ST18: variants seen among roughly 807,000 people sequenced by gnomAD.
The protein encoded by ST18 is ST18 C2H2C-type zinc finger transcription factor, also known as suppression of tumorigenicity 18 protein.
In ST18, 50 loss-of-function variants were observed where a neutral mutation model predicts 110.0. The ratio of observed to expected loss-of-function variants is 0.45; its 90% CI spans 0.36 to 0.58. The LOEUF is 0.58. Ranked by LOEUF, ST18 falls within the 20% of genes least tolerant of loss-of-function variation. The probability of loss-of-function intolerance (pLI) is 0.00; values close to 1 mark genes in which losing one functional copy is unlikely to be tolerated. For synonymous variants in ST18, 461 were observed against 452.4 expected (o/e 1.02, Z -0.24); for missense variants, 1,306 against 1,280.1 (o/e 1.02, Z -0.31).
intron 2 of ST18, among the ~76,000 whole-genome samples, chr8:52,398,171 G>A (rs1323506997): frequency 6.6e-6 from 1 of 152,046 alleles, no homozygotes; most frequent in African/African-American, 2.4e-5. Flanking sequence ...TTATTCCTAA[G>A]CATCTCTAAA....
At chr8:52,335,468 A>G (rs1012156209) in intron 2 of ST18, among the ~76,000 whole-genome samples, 4 of 152,220 alleles carry the variant, frequency 2.6e-5, no homozygotes, top group African/African-American at 9.6e-5. Context: ...AGTATTTTGG[A>G]ATATTTTGCA....
intron 2 of ST18, among the ~76,000 whole-genome samples, chr8:52,271,673 T>C (rs1380526637): frequency 1.3e-5 from 2 of 152,216 alleles, no homozygotes; most frequent in African/African-American, 4.8e-5. Flanking sequence ...TCATTTATCT[T>C]CCTTCCTAAC....
intron 23 of ST18, among the ~76,000 whole-genome samples, chr8:52,124,265 T>A (rs1440994844): frequency 6.6e-6 from 1 of 152,038 alleles, no homozygotes; most frequent in Non-Finnish European, 1.5e-5. Flanking sequence ...AACCTCTGCC[T>A]CCAGGGTTCA....
chr8:52,312,835 G>T (rs1285396173), intron 2 of ST18, among the ~76,000 whole-genome samples: 3 of 152,148 alleles, frequency 2.0e-5, no homozygotes, highest in African/African-American at 7.2e-5. Context: ...GATGTTGGAG[G>T]GGTCAGTGAT....
intron 2 of ST18, among the ~76,000 whole-genome samples, chr8:52,279,075 GA>G (rs2095326903): frequency 6.6e-6 from 1 of 152,082 alleles, no homozygotes. Context: ...ACAGTAAACA[GA>G]AGAAAAAGAC....
intron 15 of ST18, among the ~76,000 whole-genome samples, chr8:52,156,326 A>G (rs1211654082): frequency 6.6e-6 from 1 of 152,246 alleles, no homozygotes; most frequent in African/African-American, 2.4e-5. Flanking sequence ...CAGCTGTGAA[A>G]GTTTGGAGTA....
intron 8 of ST18, among the ~76,000 whole-genome samples, chr8:52,211,056 G>A (rs72642755): frequency 0.054 from 8,284 of 152,184 alleles, 392 homozygotes; most frequent in African/African-American, 0.11. Flanking sequence ...AGTGGATTTG[G>A]GACTTCCTAG....
chr8:52,368,359 T>G (rs182201240), intron 2 of ST18, among the ~76,000 whole-genome samples: 1 of 152,114 alleles, frequency 6.6e-6, no homozygotes, highest in Non-Finnish European at 1.5e-5. Flanking sequence ...ACAACAAAAT[T>G]TGGAGAAATG....
chr8:52,220,446 C>T (rs1588752773), intron 5 of ST18: 1 of 152,110 alleles, frequency 6.6e-6, no homozygotes, highest in African/African-American at 2.4e-5. Context: ...TTTTGAAAAC[C>T]ATTTTAACAA....
At chr8:52,233,465 T>A (rs779149703) in intron 2 of ST18, among the ~76,000 whole-genome samples, 1 of 152,098 alleles carries the variant, frequency 6.6e-6, no homozygotes, top group Non-Finnish European at 1.5e-5. Flanking sequence ...GAATTCCTAA[T>A]CCTACAGATC....
intron 2 of ST18, among the ~76,000 whole-genome samples, chr8:52,344,831 A>T (rs763420119): frequency 2.6e-5 from 4 of 152,190 alleles, no homozygotes; most frequent in Non-Finnish European, 4.4e-5. Flanking sequence ...ATAATAATAA[A>T]GCTGATAACT....
At chr8:52,324,001 G>A (rs1379147919) in intron 2 of ST18, among the ~76,000 whole-genome samples, 2 of 152,214 alleles carry the variant, frequency 1.3e-5, no homozygotes, top group Non-Finnish European at 2.9e-5. Flanking sequence ...AACCATGACA[G>A]GGAACTTCAT....
intron 12 of ST18, among the ~76,000 whole-genome samples, chr8:52,164,342 A>C (rs1267778867): frequency 6.6e-6 from 1 of 152,252 alleles, no homozygotes; most frequent in Non-Finnish European, 1.5e-5. Flanking sequence ...GTAAGGGATA[A>C]ATAACTAAAG....
intron 15 of ST18, among the ~76,000 whole-genome samples, chr8:52,153,320 A>G (rs1235144512): frequency 1.3e-5 from 2 of 152,196 alleles, no homozygotes. Context: ...GACTTGGCTG[A>G]GAGGAAGTGC....
intron 2 of ST18, among the ~76,000 whole-genome samples, chr8:52,316,177 G>A (rs1391084025): frequency 6.6e-6 from 1 of 152,174 alleles, no homozygotes; most frequent in Non-Finnish European, 1.5e-5. Context: ...ATATACCAAT[G>A]TTTATTAAGT....
At chr8:52,161,323 A>C in intron 14 of ST18, 52 bp downstream of exon 14, 1 of 1,579,698 alleles carries the variant, frequency 6.3e-7, no homozygotes, top group South Asian at 1.2e-5. Context: ...ACACACATAC[A>C]CCCATACACA....
intron 2 of ST18, among the ~76,000 whole-genome samples, chr8:52,243,024 C>T (rs1208272320): frequency 6.6e-6 from 1 of 152,110 alleles, no homozygotes; most frequent in African/African-American, 2.4e-5. Flanking sequence ...TATGTTTATG[C>T]TCACAGAGCT....
intron 2 of ST18, chr8:52,254,456 A>G (rs895216044): frequency 6.6e-6 from 1 of 152,140 alleles, no homozygotes; most frequent in Admixed American, 6.6e-5. Flanking sequence ...TTGCACATCA[A>G]CAGCCTCATG....
intron 8 of ST18, among the ~76,000 whole-genome samples, chr8:52,204,642 A>C (rs536028088): frequency 1.6e-4 from 24 of 152,234 alleles, no homozygotes; most frequent in Non-Finnish European, 3.1e-4. Context: ...ATATCAAAGG[A>C]AATATTCATC....
Sources: gnomAD v4.1 joint callset for allele counts (sites outside exome capture counted in the v4.1 genomes callset) on GRCh38, gnomAD v4.1.1 for gene constraint, MANE v1.5 for transcripts, NCBI Gene and HGNC (gene_info 2026-07-23, HGNC 2026-07-21) for gene names.